The following DMXL1 variants were observed in gnomAD, a reference collection of about 807,000 sequenced individuals.
DMXL1 encodes the protein Dmx like 1.
Under a neutral mutation model 319.2 loss-of-function variants are expected in DMXL1, and 99 were observed. That is an observed-to-expected ratio of 0.31 (90% CI 0.26 to 0.37). The LOEUF is 0.37. DMXL1 is among the 10% of genes least tolerant of loss of function. The probability of loss-of-function intolerance (pLI) is 1.00; values close to 1 mark genes in which losing one functional copy is unlikely to be tolerated. For missense variants in DMXL1, 3,745 were observed against 3,595.6 expected, an observed-to-expected ratio of 1.04 and a Z score of -1.06; for synonymous variants, 1,385 against 1,235.2, an observed-to-expected ratio of 1.12 and a Z score of -2.54.
chr5:119,099,776 G>T (rs1281857872), intron 2 of DMXL1, among the ~76,000 whole-genome samples: 2 of 152,136 alleles, frequency 1.3e-5, no homozygotes, highest in East Asian at 3.9e-4. Flanking sequence ...GTCAAGGTGG[G>T]CAAATCGCTT....
rs35683993 is a variant in DMXL1 at position 119,223,057 on chromosome 5, G to GTT, written c.8278-1636_8278-1635dup. Among the ~76,000 whole-genome samples, 765 of 123,404 alleles carry GTT rather than the reference G, an allele frequency of 6.2e-3. 28 individuals are homozygous for GTT. The highest frequency in any genetic ancestry group is 0.018 in the South Asian group (71 of 3,878). 81.0% of individuals were successfully genotyped at this position (123,404 alleles called of 152,430 possible). ...TTGAAATTATTCATTACTTAGTTGT[G>GTT]TTTTTTTTTTTTTTTTTGAGATGGA... On this transcript the variant is annotated intron_variant, in intron 37 of 43. Transcript: ENST00000539542.
intron 28 of DMXL1, among the ~76,000 whole-genome samples, chr5:119,179,855 T>C (rs1456208559): frequency 1.3e-5 from 2 of 152,200 alleles, no homozygotes; most frequent in African/African-American, 2.4e-5. Flanking sequence ...GGAATTTCTT[T>C]ATGTATAATA....
rs143271705 is a variant in DMXL1, at chr5:119,094,384, A to G, written c.88-3595A>G. ...CAACAAAGCCCGGATGACAGCACCT[A>G]TGTATACAGCACAGTTTACTAAATA... On this transcript the variant is annotated intron_variant, in intron 1 of 43. Transcript: ENST00000539542. 5.2e-3 allele frequency among the ~76,000 whole-genome samples: 788 copies of G among 152,342 alleles called. 8 individuals are homozygous for G. The highest frequency in any genetic ancestry group is 0.019 in the African/African-American group (771 of 41,580).
intron 6 of DMXL1, 127 bp downstream of exon 6, chr5:119,114,668 T>C: frequency 2.7e-6 from 2 of 735,314 alleles, no homozygotes; most frequent in Non-Finnish European, 4.3e-6. Context: ...AAAAATTGTT[T>C]TTTTTGTTTG....
intron 1 of DMXL1, among the ~76,000 whole-genome samples, chr5:119,090,818 G>T (rs1394312401): frequency 7.3e-5 from 11 of 151,360 alleles, no homozygotes; most frequent in Non-Finnish European, 1.5e-5. Flanking sequence ...GCCCGCCTTG[G>T]CCTCCCAAAG....
At chr5:119,074,597 G>A (rs190296934) in intron 1 of DMXL1, among the ~76,000 whole-genome samples, 19 of 152,284 alleles carry the variant, frequency 1.2e-4, no homozygotes, top group East Asian at 1.2e-3. Flanking sequence ...AATTACCAAC[G>A]CAGATTAGTC....
chr5:119,157,324 T>G (rs371057690), intron 19 of DMXL1, among the ~76,000 whole-genome samples: 5 of 152,360 alleles, frequency 3.3e-5, no homozygotes, highest in South Asian at 4.1e-4. Context: ...ATTTTCAGTT[T>G]GATGTCATCC....
intron 29 of DMXL1, among the ~76,000 whole-genome samples, chr5:119,190,225 A>G (rs1778468881): frequency 1.3e-5 from 2 of 152,192 alleles, no homozygotes; most frequent in African/African-American, 4.8e-5. Context: ...CTGGTCATCT[A>G]TTATCCATAT....
chr5:119,096,014 C>T (rs12516300), intron 1 of DMXL1, among the ~76,000 whole-genome samples: 59,632 of 151,884 alleles, frequency 0.39, 14,288 homozygotes, highest in East Asian at 0.95. Context: ...TTCTGAAGCC[C>T]CACTCTGCCA....
chr5:119,170,016 T>C (rs1774231214), intron 23 of DMXL1, among the ~76,000 whole-genome samples, 174 bp from the exon 24 acceptor site: 1 of 152,192 alleles, frequency 6.6e-6, no homozygotes, highest in African/African-American at 2.4e-5. Flanking sequence ...TTAGAACATG[T>C]TCATTATAAA....
At chr5:119,133,051 C>A in intron 10 of DMXL1, 81 bp from the exon 11 acceptor site, 1 of 1,495,806 alleles carries the variant, frequency 6.7e-7, no homozygotes, top group Non-Finnish European at 9.1e-7. Context: ...ATGTGTTCAG[C>A]TATCCAGAAG....
chr5:119,143,792 T>C (rs1413014178), intron 13 of DMXL1, 49 bp from the exon 14 acceptor site: 14 of 1,254,862 alleles, frequency 1.1e-5, no homozygotes, highest in East Asian at 2.5e-5. Context: ...TTTACTCTTA[T>C]TTGCATATGA....
intron 9 of DMXL1, among the ~76,000 whole-genome samples, chr5:119,122,317 C>T (rs1357180450): frequency 6.8e-6 from 1 of 146,390 alleles, no homozygotes; most frequent in Non-Finnish European, 1.5e-5. Context: ...GGGGGGCTGA[C>T]CCCCCCACCT....
chr5:119,170,245 A>T lies in DMXL1; in HGVS notation c.5454A>T (p.Arg1818Ser). 1 of 1,612,988 alleles carries T rather than the reference A, an allele frequency of 6.2e-7. No homozygotes were observed. The highest frequency in any genetic ancestry group is 8.5e-7 in the Non-Finnish European group (1 of 1,179,662). ...PTVFNFYNYL[R>S]THPLLLRRHF... ...TTTTTAATTTCTACAATTATCTAAG[A>T]ACACATCCTCTTTTGCTGAGACGTC... Residue 1818 changes from arginine to serine, a missense_variant, in exon 24 of 44, where the codon AGA (arginine) becomes AGT (serine). This residue lies in a region of DMXL1 where 1,382 missense variants were observed against 1,269.5 expected (regional missense o/e 1.09). Transcript: ENST00000539542.
chr5:119,213,672 G>A (rs1387581033), intron 34 of DMXL1, among the ~76,000 whole-genome samples: 1 of 152,050 alleles, frequency 6.6e-6, no homozygotes, highest in African/African-American at 2.4e-5. Flanking sequence ...TCAGTTGAAT[G>A]TCTCTGTGAT....
chr5:119,102,424 G>A (rs1434539302), intron 3 of DMXL1, among the ~76,000 whole-genome samples: 2 of 152,148 alleles, frequency 1.3e-5, no homozygotes, highest in Admixed American at 6.5e-5. Flanking sequence ...TAATACAGTC[G>A]TTAACAGGTC....
intron 32 of DMXL1, among the ~76,000 whole-genome samples, chr5:119,202,887 A>ATATATATATATATATATATATATATATT (rs1554139456): frequency 2.7e-5 from 3 of 111,632 alleles, no homozygotes; most frequent in African/African-American, 1.1e-4. Context: ...ATATATTTTT[A>ATATATATATATATATATATATATATATT]TATATATATA....
rs1178057039 is a variant in DMXL1 at position 119,133,113 on chromosome 5, T to C, written c.1316-19T>C. The C allele has an allele frequency of 6.2e-7, 1 of 1,612,552 alleles. No individual in the cohort carries two copies. Among genetic ancestry groups the C allele is most frequent in the South Asian group, 1.1e-5 (1 of 90,938 alleles). On this transcript the variant is annotated intron_variant, in intron 10 of 43. Coordinates refer to ENST00000539542, the MANE Select transcript of DMXL1 (RefSeq NM_001290321.3). ...AACCTGTTTGTATTTACTTGGTTCA[T>C]GAACTCTTTTGCTTATAGAAACTGA...
At chr5:119,189,068 A>G (rs1322017896) in intron 28 of DMXL1, among the ~76,000 whole-genome samples, 1 of 152,176 alleles carries the variant, frequency 6.6e-6, no homozygotes, top group Non-Finnish European at 1.5e-5. Flanking sequence ...TTTTAATGCT[A>G]ATCTCTTTAG....
Sources: allele counts gnomAD v4.1 joint callset (sites outside exome capture counted in the v4.1 genomes callset), GRCh38; gene constraint gnomAD v4.1.1; regional missense constraint gnomAD v4.1.1; transcripts MANE v1.5; gene names NCBI Gene and HGNC (gene_info 2026-07-23, HGNC 2026-07-21).